The following PIGU variants were observed in gnomAD, a reference collection of about 807,000 sequenced individuals.
The protein encoded by PIGU is phosphatidylinositol glycan anchor biosynthesis class U.
In PIGU, 24 loss-of-function variants were observed where a neutral mutation model predicts 49.9. That is an observed-to-expected ratio of 0.48 (90% CI 0.35 to 0.68). PIGU has a LOEUF of 0.68. PIGU is among the 30% of genes least tolerant of loss of function. The probability of loss-of-function intolerance (pLI) is 0.01; values close to 1 mark genes in which losing one functional copy is unlikely to be tolerated. For missense variants in PIGU, 490 were observed against 532.6 expected (o/e 0.92, Z 0.79); for synonymous variants, 220 against 205.7 (o/e 1.07, Z -0.59).
At chr20:34,617,170 C>T (rs1048122317) in intron 6 of PIGU, among the ~76,000 whole-genome samples, 30 of 152,200 alleles carry the variant, frequency 2.0e-4, no homozygotes, top group African/African-American at 5.8e-4. Flanking sequence ...AATGTGGGGT[C>T]GGAGCCCCCA....
chr20:34,627,714 G>T (rs756340871), intron 6 of PIGU, among the ~76,000 whole-genome samples: 1 of 152,036 alleles, frequency 6.6e-6, no homozygotes, highest in Admixed American at 6.6e-5. Context: ...GCCAGTACTT[G>T]GTCCCTTCTG....
chr20:34,600,069 T>A (rs1054107112), intron 7 of PIGU, among the ~76,000 whole-genome samples: 2 of 152,156 alleles, frequency 1.3e-5, no homozygotes, highest in Non-Finnish European at 2.9e-5. Context: ...ACCGCTGATC[T>A]AGAAGAATAA....
At chr20:34,670,554 T>C (rs1328125798) in intron 1 of PIGU, among the ~76,000 whole-genome samples, 1 of 151,200 alleles carries the variant, frequency 6.6e-6, no homozygotes. Context: ...ATTCTTTTAT[T>C]TTTGAGACAA....
intron 7 of PIGU, among the ~76,000 whole-genome samples, chr20:34,614,659 T>C (rs1401781184): frequency 6.6e-6 from 1 of 151,834 alleles, no homozygotes; most frequent in Non-Finnish European, 1.5e-5. Context: ...ACGTTATTTA[T>C]ATTAGTGACA....
At chr20:34,616,756 G>A (rs960378766) in intron 6 of PIGU, among the ~76,000 whole-genome samples, 2 of 151,772 alleles carry the variant, frequency 1.3e-5, no homozygotes, top group Non-Finnish European at 2.9e-5. Context: ...ATTAAATGAA[G>A]TTTATAAAAG....
At chr20:34,569,918 C>T (rs182220865) in intron 11 of PIGU, among the ~76,000 whole-genome samples, 128 of 152,336 alleles carry the variant, frequency 8.4e-4, no homozygotes, top group African/African-American at 2.7e-3. Context: ...ACAAACAAGA[C>T]TGTGGATAAA....
chr20:34,667,138 G>A (rs1987129893), intron 1 of PIGU, among the ~76,000 whole-genome samples: 1 of 152,106 alleles, frequency 6.6e-6, no homozygotes, highest in Non-Finnish European at 1.5e-5. Flanking sequence ...CACTATGCCT[G>A]GCCAATAATT....
At chr20:34,609,451 A>C (rs904465407) in intron 7 of PIGU, among the ~76,000 whole-genome samples, 1 of 151,128 alleles carries the variant, frequency 6.6e-6, no homozygotes, top group Non-Finnish European at 1.5e-5. Context: ...TGCAACCTCC[A>C]CCTTCCGCGT....
chr20:34,646,225 T>C (rs1986339241), intron 2 of PIGU, among the ~76,000 whole-genome samples: 1 of 152,220 alleles, frequency 6.6e-6, no homozygotes, highest in African/African-American at 2.4e-5. Flanking sequence ...ATTTCATAGA[T>C]AAAACATTCA....
chr20:34,645,470 C>T (rs1986313376), intron 2 of PIGU, 136 bp from the exon 3 acceptor site: 1 of 1,215,536 alleles, frequency 8.2e-7, no homozygotes, highest in Admixed American at 3.8e-5. Flanking sequence ...GAATACTGTT[C>T]TACGCCAGCT....
intron 6 of PIGU, among the ~76,000 whole-genome samples, 162 bp downstream of exon 6, chr20:34,634,453 C>T (rs1985892928): frequency 6.6e-6 from 1 of 151,864 alleles, no homozygotes; most frequent in Non-Finnish European, 1.5e-5. Flanking sequence ...TTTCTCTTGC[C>T]ATGACTACAT....
At chr20:34,669,827 A>C (rs1987251341) in intron 1 of PIGU, among the ~76,000 whole-genome samples, 1 of 152,144 alleles carries the variant, frequency 6.6e-6, no homozygotes, top group Admixed American at 6.6e-5. Context: ...TGGATTCTTC[A>C]ATAGATAAAC....
At chr20:34,587,517 CTT>C in intron 8 of PIGU, among the ~76,000 whole-genome samples, 1 of 152,278 alleles carries the variant, frequency 6.6e-6, no homozygotes, top group East Asian at 1.9e-4. Flanking sequence ...AATTTACTCT[CTT>C]AGCAATTTTG....
chr20:34,628,668 T>C (rs1286661073), intron 6 of PIGU, among the ~76,000 whole-genome samples: 2 of 152,084 alleles, frequency 1.3e-5, no homozygotes, highest in Admixed American at 6.5e-5. Context: ...CTGACCAACA[T>C]GGTGAAATCT....
intron 6 of PIGU, 95 bp downstream of exon 6, chr20:34,634,520 A>AT: frequency 2.1e-6 from 3 of 1,413,234 alleles, no homozygotes; most frequent in Non-Finnish European, 9.3e-7. Context: ...TAAGTGTTGC[A>AT]TTAAAAAAAA....
chr20:34,624,879 C>T (rs980249553), intron 6 of PIGU, among the ~76,000 whole-genome samples: 3 of 152,068 alleles, frequency 2.0e-5, no homozygotes, highest in Non-Finnish European at 4.4e-5. Flanking sequence ...CCCTGGGCTG[C>T]CACAAAGGAA....
intron 6 of PIGU, among the ~76,000 whole-genome samples, chr20:34,625,430 C>T (rs1012067767): frequency 3.3e-5 from 5 of 149,476 alleles, no homozygotes; most frequent in Admixed American, 6.6e-5. Context: ...ATAAAACTCA[C>T]CCATGAACTT....
At chr20:34,637,247 T>A (rs746616368) in intron 5 of PIGU, among the ~76,000 whole-genome samples, 2 of 152,218 alleles carry the variant, frequency 1.3e-5, no homozygotes, top group Non-Finnish European at 2.9e-5. Flanking sequence ...TTACTGTATA[T>A]CCCTAGAAAC....
At chr20:34,614,367 A>T (rs1204509338) in intron 7 of PIGU, among the ~76,000 whole-genome samples, 2 of 152,012 alleles carry the variant, frequency 1.3e-5, no homozygotes, top group Admixed American at 6.6e-5. Flanking sequence ...GCTCATTCCT[A>T]TAAACCTAGC....
Sources: allele counts gnomAD v4.1 joint callset (sites outside exome capture counted in the v4.1 genomes callset), GRCh38; gene constraint gnomAD v4.1.1; transcripts MANE v1.5; gene names NCBI Gene and HGNC (gene_info 2026-07-23, HGNC 2026-07-21).